The following ITGB1 variants were observed in gnomAD, a reference collection of about 807,000 sequenced individuals.
ITGB1 encodes the protein integrin beta-1.
Under a neutral mutation model 86.5 loss-of-function variants are expected in ITGB1, and 24 were observed. The observed-to-expected ratio is 0.28, with a 90% confidence interval of 0.20 to 0.39. The LOEUF (loss-of-function observed/expected upper bound fraction) is 0.39, where lower values mean the gene tolerates loss of function less well. Ranked by LOEUF, ITGB1 falls within the 10% of genes least tolerant of loss-of-function variation. The pLI is 1.00. For missense variants in ITGB1, 556 were observed against 946.9 expected, an observed-to-expected ratio of 0.59 and a Z score of 5.42; for synonymous variants, 323 against 316.8, an observed-to-expected ratio of 1.02 and a Z score of -0.21.
At chr10:32,912,419 T>C (rs183324700) in intron 11 of ITGB1, among the ~76,000 whole-genome samples, 4 of 152,290 alleles carry the variant, frequency 2.6e-5, no homozygotes, top group Middle Eastern at 6.8e-3. Flanking sequence ...AGACGGTACC[T>C]GGAAAATCAG....
chr10:32,908,279 A>T (rs2094902622), intron 15 of ITGB1, 89 bp downstream of exon 15: 1 of 1,245,620 alleles, frequency 8.0e-7, no homozygotes, highest in Non-Finnish European at 1.2e-6. Flanking sequence ...AAGGACTTTA[A>T]TAATCAGCCT....
chr10:32,913,243 A>C (rs571332809), intron 11 of ITGB1, among the ~76,000 whole-genome samples: 27 of 152,306 alleles, frequency 1.8e-4, no homozygotes, highest in African/African-American at 6.3e-4. Context: ...AAATTCTAAA[A>C]TTTGAGCACC....
intron 11 of ITGB1, among the ~76,000 whole-genome samples, chr10:32,913,380 G>T (rs968299679): frequency 6.6e-6 from 1 of 152,170 alleles, no homozygotes; most frequent in East Asian, 1.9e-4. Flanking sequence ...CGAGCTAAAG[G>T]AGGATATTCA....
intron 11 of ITGB1, among the ~76,000 whole-genome samples, chr10:32,913,064 C>T (rs2094918779): frequency 6.6e-6 from 1 of 152,168 alleles, no homozygotes; most frequent in South Asian, 2.1e-4. Flanking sequence ...TGGAGTGGAC[C>T]TCCAGCAAAC....
chr10:32,946,091 G>T (rs1474841840), intron 1 of ITGB1, among the ~76,000 whole-genome samples: 1 of 152,068 alleles, frequency 6.6e-6, no homozygotes, highest in South Asian at 2.1e-4. Flanking sequence ...ATGTTACTCG[G>T]GTTAAGAAAT....
intron 2 of ITGB1, among the ~76,000 whole-genome samples, chr10:32,933,815 GT>G (rs1296754996): frequency 6.6e-6 from 1 of 152,066 alleles, no homozygotes; most frequent in Non-Finnish European, 1.5e-5. Context: ...CTTATCCTAA[GT>G]GTTTTATTCT....
intron 11 of ITGB1, among the ~76,000 whole-genome samples, chr10:32,918,305 G>A (rs2094938346): frequency 6.6e-6 from 1 of 151,990 alleles, no homozygotes; most frequent in Non-Finnish European, 1.5e-5. Flanking sequence ...GAACAAACCT[G>A]CACGTTTTGC....
chr10:32,922,775 C>A (rs202071354), intron 7 of ITGB1, 40 bp from the exon 8 acceptor site: 2 of 1,108,466 alleles, frequency 1.8e-6, no homozygotes, highest in Admixed American at 4.3e-5. Flanking sequence ...TTAAATACAC[C>A]CTTATAATCT....
rs771342479 is a variant in ITGB1, at chr10:32,908,304, A to C, written c.2331+64T>G. ...ATAATCAGCCTGACAGCTAATACAT[A>C]AGTCTTAGGAGTATTACATTTACTT... On this transcript the variant is annotated intron_variant, in intron 15 of 15. Coordinates refer to ENST00000302278, the MANE Select transcript of ITGB1 (RefSeq NM_002211.4). The C allele has an allele frequency of 3.5e-6, 5 of 1,423,228 alleles. No individual in the cohort carries two copies. The African/African-American group carries it at 7.0e-5, about 20-fold the overall frequency. 88.2% of individuals were successfully genotyped at this position (1,423,228 alleles called of 1,614,324 possible).
intron 15 of ITGB1, among the ~76,000 whole-genome samples, chr10:32,907,546 TTC>T (rs1026431712): frequency 6.6e-6 from 1 of 152,130 alleles, no homozygotes; most frequent in African/African-American, 2.4e-5. Flanking sequence ...AAGTACATAG[TTC>T]TGTGAGTTTT....
At chr10:32,945,620 T>G (rs2095029715) in intron 1 of ITGB1, among the ~76,000 whole-genome samples, 1 of 152,036 alleles carries the variant, frequency 6.6e-6, no homozygotes, top group South Asian at 2.1e-4. Flanking sequence ...ATTAAGTGAT[T>G]GATAAAATGT....
intron 15 of ITGB1, among the ~76,000 whole-genome samples, chr10:32,905,586 G>A (rs1489886415): frequency 6.6e-6 from 1 of 152,174 alleles, no homozygotes; most frequent in Non-Finnish European, 1.5e-5. Context: ...CAAGAACATG[G>A]ACTCTGGAGC....
At chr10:32,920,509 A>G (rs1348644325) in intron 9 of ITGB1, 124 bp from the exon 10 acceptor site, 1 of 759,794 alleles carries the variant, frequency 1.3e-6, no homozygotes, top group Non-Finnish European at 2.1e-6. Context: ...GCCAAATCCA[A>G]TTGAGTAACT....
At chr10:32,902,489 T>C (rs995588985) in intron 15 of ITGB1, among the ~76,000 whole-genome samples, 5 of 152,208 alleles carry the variant, frequency 3.3e-5, no homozygotes, top group Admixed American at 2.0e-4. Context: ...CCTGTTCTTA[T>C]AAATTGAAAG....
rs1438923563 is a variant in ITGB1 at position 32,926,082 on chromosome 10, A to G, written c.575T>C (p.Val192Ala). The change falls in exon 6 of 16, where the codon GTG becomes GCG. Residue 192 changes from valine to alanine, a missense_variant. Coordinates refer to ENST00000302278, the MANE Select transcript of ITGB1 (RefSeq NM_002211.4). ...IGFGSFVEKT[V>A]MPYISTTPAK... ...TGGTGTTGTGCTAATGTAAGGCATCACAGTCTTTTCCACAAATGAGCCAAA... is the reference window on the plus strand; with the variant it reads ...TGGTGTTGTGCTAATGTAAGGCATCGCAGTCTTTTCCACAAATGAGCCAAA... 1.7e-5 allele frequency: 27 copies of G among 1,613,986 alleles called. No individual in the cohort carries two copies. The highest frequency in any genetic ancestry group is 2.2e-5 in the Non-Finnish European group (26 of 1,179,982).
At chr10:32,912,927 C>A (rs188206982) in intron 11 of ITGB1, among the ~76,000 whole-genome samples, 7 of 152,192 alleles carry the variant, frequency 4.6e-5, no homozygotes, top group African/African-American at 7.2e-5. Context: ...GGCTGACTGA[C>A]ACCTCATACA....
At chr10:32,926,782 CAG>C (rs1322513755) in intron 5 of ITGB1, among the ~76,000 whole-genome samples, 1 of 152,140 alleles carries the variant, frequency 6.6e-6, no homozygotes, top group African/African-American at 2.4e-5. Flanking sequence ...AAAGAAGCCC[CAG>C]AGAGCTGCTG....
At chr10:32,944,178 T>C (rs777801079) in intron 1 of ITGB1, among the ~76,000 whole-genome samples, 9 of 152,194 alleles carry the variant, frequency 5.9e-5, no homozygotes, top group Non-Finnish European at 1.0e-4. Flanking sequence ...GCCAAGAGGA[T>C]GTGAGAAAGA....
chr10:32,935,847 TCA>T, intron 1 of ITGB1: 6 of 239,464 alleles, frequency 2.5e-5, no homozygotes, highest in South Asian at 8.4e-5. Flanking sequence ...TTAACAGCGC[TCA>T]AAAAAAAAAT....
Sources: allele counts gnomAD v4.1 joint callset (sites outside exome capture counted in the v4.1 genomes callset), GRCh38; gene constraint gnomAD v4.1.1; transcripts MANE v1.5; gene names NCBI Gene and HGNC (gene_info 2026-07-23, HGNC 2026-07-21).